Variants in STARD13 observed in about 807,000 individuals in gnomAD.
STARD13 encodes stAR-related lipid transfer protein 13.
In STARD13, 62 loss-of-function variants were observed where a neutral mutation model predicts 106.4. The ratio of observed to expected loss-of-function variants is 0.58; its 90% confidence interval spans 0.48 to 0.72. The LOEUF is 0.72. Among genes scored for constraint, STARD13 ranks in the 30% least tolerant of loss-of-function variants. The probability of loss-of-function intolerance (pLI) is 0.00; values close to 1 mark genes in which losing one functional copy is unlikely to be tolerated. For synonymous variants in STARD13, 565 were observed against 553.0 expected, an observed-to-expected ratio of 1.02 and a Z score of -0.31; for missense variants, 1,387 against 1,424.0, an observed-to-expected ratio of 0.97 and a Z score of 0.42.
intron 1 of STARD13, among the ~76,000 whole-genome samples, chr13:33,316,069 G>A (rs1398958355): frequency 2.0e-5 from 3 of 152,128 alleles, no homozygotes; most frequent in Non-Finnish European, 4.4e-5. Context: ...AATCACTGTC[G>A]TGATGTACAA....
At chr13:33,252,088 T>C (rs1010048140) in intron 1 of STARD13, among the ~76,000 whole-genome samples, 2 of 152,252 alleles carry the variant, frequency 1.3e-5, no homozygotes, top group East Asian at 1.9e-4. Flanking sequence ...TCCTACATGA[T>C]AAATGGCCCT....
the STARD13 span, among the ~76,000 whole-genome samples, chr13:33,537,468 T>C: frequency 6.6e-6 from 1 of 152,232 alleles, no homozygotes; most frequent in African/African-American, 2.4e-5. Context: ...GTATCTTATT[T>C]GACACTTTAG....
intron 1 of STARD13, chr13:33,275,964 G>A (rs1309185288): frequency 1.3e-5 from 2 of 152,168 alleles, no homozygotes; most frequent in Non-Finnish European, 2.9e-5. Context: ...ACTCAGTATT[G>A]GGACCAATAG....
At chr13:33,503,773 A>C in the STARD13 span, among the ~76,000 whole-genome samples, 26 of 152,110 alleles carry the variant, frequency 1.7e-4, no homozygotes, top group African/African-American at 6.3e-4. Flanking sequence ...CTGTTCTTTT[A>C]TATTTGCTGA....
chr13:33,236,750 C>A (rs375349978), intron 1 of STARD13, among the ~76,000 whole-genome samples: 2 of 152,196 alleles, frequency 1.3e-5, no homozygotes, highest in East Asian at 1.9e-4. Flanking sequence ...CAATCCCTTG[C>A]GGACAGTGAG....
chr13:33,462,672 C>T, the STARD13 span, among the ~76,000 whole-genome samples: 1,024 of 152,314 alleles, frequency 6.7e-3, 10 homozygotes, highest in African/African-American at 0.022. Context: ...TGGAGTCTGA[C>T]GTTCAAGGGC....
intron 12 of STARD13, among the ~76,000 whole-genome samples, chr13:33,108,973 A>G (rs768111300): frequency 6.6e-6 from 1 of 152,240 alleles, no homozygotes; most frequent in Non-Finnish European, 1.5e-5. Flanking sequence ...TTGACCTTTA[A>G]AAGTCAAGGT....
the STARD13 span, among the ~76,000 whole-genome samples, chr13:33,385,261 A>G: frequency 7.4e-6 from 1 of 135,772 alleles, no homozygotes; most frequent in African/African-American, 2.7e-5. Flanking sequence ...ATATATATGT[A>G]GAAAACAGAA....
At chr13:33,147,570 G>A (rs538624703) in intron 3 of STARD13, among the ~76,000 whole-genome samples, 2 of 152,312 alleles carry the variant, frequency 1.3e-5, no homozygotes, top group Non-Finnish European at 2.9e-5. Flanking sequence ...TAGAGAATTA[G>A]TTCCAGATAT....
At chr13:33,499,623 TTC>T in the STARD13 span, among the ~76,000 whole-genome samples, 3 of 119,746 alleles carry the variant, frequency 2.5e-5, no homozygotes, top group African/African-American at 8.9e-5. Context: ...CTTCTTCTTC[TTC>T]TTCTTCTTCT....
At chr13:33,665,625 CTAT>C in the STARD13 span, among the ~76,000 whole-genome samples, 4 of 152,234 alleles carry the variant, frequency 2.6e-5, no homozygotes, top group Non-Finnish European at 5.9e-5. Flanking sequence ...GGAGGAATTA[CTAT>C]CAAGGATAAT....
chr13:33,140,199 C>CCAAT (rs1485728160), intron 4 of STARD13, among the ~76,000 whole-genome samples: 1 of 152,206 alleles, frequency 6.6e-6, no homozygotes, highest in Non-Finnish European at 1.5e-5. Flanking sequence ...GGGTAAAAAT[C>CCAAT]CAATCACTCC....
chr13:33,112,000 C>A, intron 9 of STARD13, 108 bp from the exon 10 acceptor site: 1 of 663,546 alleles, frequency 1.5e-6, no homozygotes, highest in East Asian at 2.8e-5. Context: ...TATCCAGATC[C>A]CAGGCTTTTG....
the STARD13 span, among the ~76,000 whole-genome samples, chr13:33,602,092 C>CTTTTT: frequency 1.5e-5 from 2 of 136,516 alleles, no homozygotes; most frequent in African/African-American, 2.8e-5. Context: ...TCTAGTAATT[C>CTTTTT]TTTTTTTTTT....
chr13:33,564,416 G>A, the STARD13 span, among the ~76,000 whole-genome samples: 10 of 145,488 alleles, frequency 6.9e-5, 2 homozygotes, highest in African/African-American at 2.6e-4. Flanking sequence ...ATGGAGAAAG[G>A]GGAACCATAT....
the STARD13 span, among the ~76,000 whole-genome samples, chr13:33,402,825 A>G: frequency 6.6e-6 from 1 of 152,232 alleles, no homozygotes; most frequent in South Asian, 2.1e-4. Flanking sequence ...GCCAAACTCC[A>G]GGGGAAGATC....
the STARD13 span, among the ~76,000 whole-genome samples, chr13:33,418,988 T>C: frequency 2.0e-5 from 3 of 152,082 alleles, no homozygotes; most frequent in African/African-American, 7.2e-5. Context: ...CAAAGGTACA[T>C]AAAACCACAA....
At chr13:33,461,808 A>T in the STARD13 span, among the ~76,000 whole-genome samples, 3 of 152,174 alleles carry the variant, frequency 2.0e-5, no homozygotes, top group African/African-American at 7.2e-5. Context: ...CTGGGAATAG[A>T]CACACTTTTT....
At chr13:33,652,387 A>G in the STARD13 span, among the ~76,000 whole-genome samples, 15 of 152,246 alleles carry the variant, frequency 9.9e-5, no homozygotes, top group Non-Finnish European at 1.8e-4. Context: ...CAATTTGATG[A>G]TTGCATATGT....
Sources: gnomAD v4.1 joint callset for allele counts (sites outside exome capture counted in the v4.1 genomes callset) on GRCh38, gnomAD v4.1.1 for gene constraint, MANE v1.5 for transcripts, NCBI Gene and HGNC (gene_info 2026-07-23, HGNC 2026-07-21) for gene names.